CENPP: variants seen among roughly 807,000 people sequenced by gnomAD.
CENPP encodes the protein centromere protein P.
CENPP carries 24 observed loss-of-function variants against 35.6 expected under a neutral mutation model. The observed-to-expected ratio is 0.67, with a 90% CI of 0.49 to 0.95. The LOEUF is 0.95. Among genes scored for constraint, CENPP ranks in the 40% least tolerant of loss-of-function variants. CENPP has a pLI of 0.00. For synonymous variants in CENPP, 120 were observed against 125.5 expected (o/e 0.96, Z 0.29); for missense variants, 332 against 345.3 (o/e 0.96, Z 0.31).
At position 92,369,422 on chromosome 9, in the gene CENPP, T is replaced by A. The variant is rs573015014; in HGVS notation, c.468-10341T>A. On this transcript the variant is annotated intron_variant, in intron 4 of 7. Coordinates refer to ENST00000375587, the MANE Select transcript of CENPP (RefSeq NM_001012267.3). ...ACAGCAGGTGGATAGTGGAGAGAAC[T>A]GGTAAAGAGAGAACCTGGTAAAGGA... 4.6e-5 allele frequency among the ~76,000 whole-genome samples: 7 copies of A among 152,242 alleles called. No individual in the cohort carries two copies. In the South Asian group the frequency reaches 1.2e-3, roughly 27 times the overall value.
intron 5 of CENPP, among the ~76,000 whole-genome samples, chr9:92,608,339 T>TG (rs1851138797): frequency 6.6e-6 from 1 of 152,232 alleles, no homozygotes; most frequent in Admixed American, 6.5e-5. Flanking sequence ...TTCACTTTTT[T>TG]TGTGTGTGTA....
intron 1 of CENPP, among the ~76,000 whole-genome samples, chr9:92,330,853 TA>T (rs1488975689): frequency 1.3e-5 from 2 of 151,836 alleles, no homozygotes; most frequent in African/African-American, 4.8e-5. Flanking sequence ...CACTCGAGGC[TA>T]ATTTTTTGTA....
intron 5 of CENPP, among the ~76,000 whole-genome samples, chr9:92,552,963 T>C (rs1318824547): frequency 6.6e-6 from 1 of 152,010 alleles, no homozygotes; most frequent in Non-Finnish European, 1.5e-5. Context: ...TTTCTTTTTC[T>C]TTTTATTATT....
At chr9:92,501,001 A>G (rs1846637893) in intron 5 of CENPP, 3 of 1,614,104 alleles carry the variant, frequency 1.9e-6, no homozygotes, top group African/African-American at 2.7e-5. Flanking sequence ...TTGGGTAGAT[A>G]GGACGGGACG....
chr9:92,403,570 A>C, intron 5 of CENPP: 1 of 1,293,940 alleles, frequency 7.7e-7, no homozygotes, highest in Non-Finnish European at 9.8e-7. Flanking sequence ...GCCAGAGAAC[A>C]GTATTTAACC....
chr9:92,440,391 A>G (rs1250418066), intron 5 of CENPP, among the ~76,000 whole-genome samples: 2 of 142,456 alleles, frequency 1.4e-5, no homozygotes, highest in Non-Finnish European at 1.5e-5. Context: ...ATAAATCACA[A>G]GAAAACTCAT....
Position 92,613,046 on chromosome 9 carries a change from T to C in CENPP, c.764T>C (p.Ile255Thr), listed in dbSNP as rs1851315628. 1 of 1,614,052 alleles carries C rather than the reference T, an allele frequency of 6.2e-7. No individual in the cohort carries two copies. The highest frequency in any genetic ancestry group is 1.7e-5 in the Admixed American group (1 of 60,002). Reference sequence around the variant, plus strand: ...CTGGAGCTGGACAAGAACAGAGCCATAGAAACTGCTCCTCTCAGCTTCCGA... The same window carrying C: ...CTGGAGCTGGACAAGAACAGAGCCACAGAAACTGCTCCTCTCAGCTTCCGA... ...RALELDKNRA[I>T]ETAPLSFRTL... is the part of the protein sequence containing the mutation. The change falls in exon 8 of 8, where the codon ATA (isoleucine) becomes ACA (threonine). Residue 255 changes from isoleucine to threonine, a missense_variant. Transcript: ENST00000375587.
chr9:92,596,441 G>A (rs1260390856), intron 5 of CENPP, among the ~76,000 whole-genome samples: 3 of 70,222 alleles, frequency 4.3e-5, no homozygotes, highest in Non-Finnish European at 7.4e-5. Context: ...GTAAGACCCT[G>A]TGTCAAAAAA....
intron 4 of CENPP, among the ~76,000 whole-genome samples, chr9:92,363,236 CA>C (rs1841805057): frequency 2.4e-4 from 1 of 4,086 alleles, no homozygotes. Flanking sequence ...TACATATATA[CA>C]CACACACACA....
At chr9:92,492,211 A>C (rs1258075865) in intron 5 of CENPP, among the ~76,000 whole-genome samples, 5 of 152,252 alleles carry the variant, frequency 3.3e-5, no homozygotes. Flanking sequence ...TTGGGGTTTT[A>C]TCCTTTAGCT....
chr9:92,501,394 C>T (rs1846667173), intron 5 of CENPP, among the ~76,000 whole-genome samples: 1 of 152,146 alleles, frequency 6.6e-6, no homozygotes, highest in Non-Finnish European at 1.5e-5. Flanking sequence ...AATGAAATCC[C>T]GTGAATCCCA....
intron 4 of CENPP, among the ~76,000 whole-genome samples, chr9:92,363,831 A>G (rs1841821851): frequency 1.3e-5 from 2 of 150,750 alleles, no homozygotes; most frequent in South Asian, 2.1e-4. Context: ...GCTCAATCCT[A>G]TTGGGTTTTT....
chr9:92,599,732 T>C (rs994011443), intron 5 of CENPP, among the ~76,000 whole-genome samples: 2 of 152,166 alleles, frequency 1.3e-5, no homozygotes, highest in African/African-American at 4.8e-5. Context: ...GTTGTTTTTT[T>C]AATCTGCTTT....
intron 3 of CENPP, among the ~76,000 whole-genome samples, chr9:92,344,704 C>CG: frequency 6.6e-6 from 1 of 151,672 alleles, no homozygotes. Flanking sequence ...CCTGCCACGA[C>CG]GCCTAGCTAA....
chr9:92,496,567 A>T lies in CENPP; in HGVS notation c.565-114747A>T, dbSNP rs1846357185. The T allele has an allele frequency of 2.6e-6, 4 of 1,527,062 alleles. No individual in the cohort carries two copies. In the South Asian group the frequency reaches 3.8e-5, roughly 14 times the overall value. The allele number at this position is 1,527,062 out of a possible 1,614,324, so 94.6% of individuals were successfully genotyped here. On this transcript the variant is annotated intron_variant, in intron 5 of 7. Transcript: ENST00000375587. ...GTTAAGTTTAACATTTGTTAAAAAAATTTTGTTCTTAAAATAAAGTTGGAT... is the reference window on the plus strand; with the variant it reads ...GTTAAGTTTAACATTTGTTAAAAAATTTTTGTTCTTAAAATAAAGTTGGAT...
At position 92,505,790 on chromosome 9, in the gene CENPP, AG is replaced by A. The variant is rs1846969241; in HGVS notation, c.565-105521del. The A allele has an allele frequency of 6.2e-6, 6 of 971,074 alleles. No individual in the cohort carries two copies. The South Asian group carries it at 7.2e-5, about 12-fold the overall frequency. The allele number at this position is 971,074 out of a possible 1,614,324, so 60.2% of individuals were successfully genotyped here. ...CATGTGAAATGGCCGGTTTATTTGG[AG>A]GGCAAATACAGTTTTTTTTAAACCT... On this transcript the variant is annotated intron_variant, in intron 5 of 7. Coordinates refer to ENST00000375587, the MANE Select transcript of CENPP (RefSeq NM_001012267.3).
chr9:92,554,077 T>G (rs7852510), intron 5 of CENPP, among the ~76,000 whole-genome samples: 71,152 of 152,084 alleles, frequency 0.47, 19,221 homozygotes, highest in African/African-American at 0.74. Context: ...ATTAAGGTAT[T>G]TCCCTTGTGT....
rs143120429 is a variant in CENPP, at chr9:92,551,925, GTATATATATA to G, written c.565-59371_565-59362del. Among the ~76,000 whole-genome samples the G allele has an allele frequency of 3.1e-3, 259 of 84,516 alleles. 14 individuals are homozygous for G. Among genetic ancestry groups the G allele is most frequent in the Middle Eastern group, 0.021 (3 of 142 alleles). The allele number at this position is 84,516 out of a possible 152,430, so 55.4% of individuals were successfully genotyped here. A position where few individuals can be genotyped will look rare whatever the true frequency, so the allele number is the denominator to read the frequency against. On this transcript the variant is annotated intron_variant, in intron 5 of 7. Coordinates refer to ENST00000375587, the MANE Select transcript of CENPP (RefSeq NM_001012267.3). The stretch of plus-strand genomic sequence containing the variant: ...CATTTGTTATATATATGGTGTGTGT[GTATATATATA>G]TATATATATATATATATGATATATA...
chr9:92,407,305 C>T (rs1282125301), intron 5 of CENPP, among the ~76,000 whole-genome samples: 1 of 152,228 alleles, frequency 6.6e-6, no homozygotes, highest in South Asian at 2.1e-4. Context: ...CTGGCATAGC[C>T]ACCTCTACCT....
Sources: gnomAD v4.1 joint callset for allele counts (sites outside exome capture counted in the v4.1 genomes callset) on GRCh38, gnomAD v4.1.1 for gene constraint, MANE v1.5 for transcripts, NCBI Gene and HGNC (gene_info 2026-07-23, HGNC 2026-07-21) for gene names.